DTNBP1: variants seen among roughly 807,000 people sequenced by gnomAD.
DTNBP1 encodes the protein dystrobrevin binding protein 1.
DTNBP1 carries 35 observed loss-of-function variants against 42.8 expected under a neutral mutation model. The observed-to-expected ratio is 0.82, with a 90% confidence interval of 0.63 to 1.09. The LOEUF (loss-of-function observed/expected upper bound fraction) is 1.09, where lower values mean the gene tolerates loss of function less well. DTNBP1 is among the 50% of genes least tolerant of loss of function. The probability of loss-of-function intolerance (pLI) is 0.00; values close to 1 mark genes in which losing one functional copy is unlikely to be tolerated. For synonymous variants in DTNBP1, 171 were observed against 162.2 expected, an observed-to-expected ratio of 1.05 and a Z score of -0.41; for missense variants, 457 against 424.2, an observed-to-expected ratio of 1.08 and a Z score of -0.68.
chr6:15,651,404 GC>G, intron 2 of DTNBP1, 41 bp from the exon 3 acceptor site: 1 of 1,588,870 alleles, frequency 6.3e-7, no homozygotes, highest in Non-Finnish European at 8.5e-7. Flanking sequence ...TCTTGATTTA[GC>G]CAACTGAAAA....
At chr6:15,617,229 A>G (rs1758766536) in intron 5 of DTNBP1, among the ~76,000 whole-genome samples, 1 of 152,162 alleles carries the variant, frequency 6.6e-6, no homozygotes, top group South Asian at 2.1e-4. Flanking sequence ...TGAAGAAGAC[A>G]CAAAAATGAA....
intron 7 of DTNBP1, among the ~76,000 whole-genome samples, chr6:15,567,578 C>T (rs928449570): frequency 3.9e-5 from 6 of 152,180 alleles, no homozygotes; most frequent in African/African-American, 1.4e-4. Context: ...ACCAGAAAAT[C>T]GTACAATTCA....
intron 7 of DTNBP1, among the ~76,000 whole-genome samples, chr6:15,562,756 C>A (rs139767881): frequency 6.4e-4 from 97 of 152,294 alleles, no homozygotes; most frequent in African/African-American, 2.2e-3. Flanking sequence ...TCTGACCATG[C>A]AGTATTAAAG....
chr6:15,645,260 C>T (rs1357844654), intron 3 of DTNBP1, among the ~76,000 whole-genome samples: 1 of 151,714 alleles, frequency 6.6e-6, no homozygotes, highest in African/African-American at 2.4e-5. Flanking sequence ...AGACCAATAA[C>T]AAGTTACGAA....
At chr6:15,581,253 C>G (rs568710207) in intron 7 of DTNBP1, among the ~76,000 whole-genome samples, 1 of 152,290 alleles carries the variant, frequency 6.6e-6, no homozygotes, top group African/African-American at 2.4e-5. Flanking sequence ...CATCTCGGCT[C>G]TCTGCAACCT....
At chr6:15,558,315 G>A (rs1363429057) in intron 7 of DTNBP1, among the ~76,000 whole-genome samples, 6 of 148,988 alleles carry the variant, frequency 4.0e-5, no homozygotes. Context: ...TCGCCAGGCT[G>A]GAGTGCAGTG....
chr6:15,546,926 CTTTTTTTT>C (rs10711026), intron 7 of DTNBP1, among the ~76,000 whole-genome samples: 7 of 116,140 alleles, frequency 6.0e-5, no homozygotes, highest in African/African-American at 9.6e-5. Context: ...TTCTTTCTTT[CTTTTTTTT>C]TTTTTTTTTG....
At chr6:15,579,154 T>C (rs762673086) in intron 7 of DTNBP1, among the ~76,000 whole-genome samples, 3 of 152,184 alleles carry the variant, frequency 2.0e-5, no homozygotes, top group African/African-American at 4.8e-5. Flanking sequence ...TAAATGTCTA[T>C]CGACAGATGA....
intron 7 of DTNBP1, among the ~76,000 whole-genome samples, chr6:15,586,636 T>C (rs1776091308): frequency 6.6e-6 from 1 of 152,156 alleles, no homozygotes; most frequent in Middle Eastern, 3.2e-3. Context: ...CCCTCATTCA[T>C]TTAAATATTT....
intron 7 of DTNBP1, among the ~76,000 whole-genome samples, chr6:15,575,828 A>C (rs1461618631): frequency 1.3e-5 from 2 of 152,202 alleles, no homozygotes; most frequent in Non-Finnish European, 2.9e-5. Context: ...GGGCAGTTTC[A>C]GAGGGAAACA....
chr6:15,627,800 AAAC>A (rs1213721762), intron 4 of DTNBP1, among the ~76,000 whole-genome samples: 1 of 151,820 alleles, frequency 6.6e-6, no homozygotes, highest in Non-Finnish European at 1.5e-5. Flanking sequence ...GAAAAAAAAA[AAAC>A]AAAAACAAAA....
chr6:15,615,105 AACAG>A (rs1188713967), intron 6 of DTNBP1, 158 bp downstream of exon 6: 1 of 1,006,068 alleles, frequency 9.9e-7, no homozygotes, highest in Admixed American at 1.9e-5. Context: ...AAAAGATGGC[AACAG>A]ACAGTGGTTT....
chr6:15,544,448 C>T (rs924704361), intron 7 of DTNBP1, among the ~76,000 whole-genome samples: 24 of 152,176 alleles, frequency 1.6e-4, no homozygotes, highest in Non-Finnish European at 3.1e-4. Flanking sequence ...CTGGGTCATA[C>T]GGTAAGTTCA....
intron 4 of DTNBP1, among the ~76,000 whole-genome samples, chr6:15,633,547 T>A (rs1343565963): frequency 2.0e-5 from 3 of 152,218 alleles, no homozygotes; most frequent in Non-Finnish European, 4.4e-5. Flanking sequence ...AGCTTGAAGA[T>A]GTGACTGAAT....
intron 7 of DTNBP1, among the ~76,000 whole-genome samples, chr6:15,574,918 T>C (rs2113542774): frequency 6.6e-6 from 1 of 152,324 alleles, no homozygotes; most frequent in South Asian, 2.1e-4. Context: ...CCACCAGTTA[T>C]TAGTACTAAT....
At chr6:15,659,673 C>T (rs1359855542) in intron 1 of DTNBP1, among the ~76,000 whole-genome samples, 1 of 151,774 alleles carries the variant, frequency 6.6e-6, no homozygotes, top group Non-Finnish European at 1.5e-5. Flanking sequence ...CTGCCTCAGC[C>T]TTCCAAGTAG....
Position 15,536,093 on chromosome 6 carries a change from A to G in DTNBP1, c.512-2698T>C, listed in dbSNP as rs577417609. On this transcript the variant is annotated intron_variant, in intron 7 of 9. Transcript: ENST00000344537. The stretch of plus-strand genomic sequence containing the variant: ...AAAGCTTTCAGTTTTATGTGTTCAC[A>G]AGGAGATAGTTTGAACTTGGAGCTT... Among the ~76,000 whole-genome samples, 11 of 152,362 alleles carry G rather than the reference A, an allele frequency of 7.2e-5. No individual in the cohort carries two copies. In the South Asian group the frequency reaches 2.3e-3, roughly 32 times the overall value.
intron 7 of DTNBP1, among the ~76,000 whole-genome samples, chr6:15,576,741 C>T (rs531415387): frequency 1.6e-4 from 23 of 148,224 alleles, no homozygotes; most frequent in African/African-American, 5.8e-4. Flanking sequence ...TGCACTCCAG[C>T]CTAAATGACA....
At chr6:15,657,883 T>A (rs1310308995) in intron 1 of DTNBP1, among the ~76,000 whole-genome samples, 7 of 152,258 alleles carry the variant, frequency 4.6e-5, no homozygotes, top group Non-Finnish European at 7.3e-5. Flanking sequence ...AATGTGCTTA[T>A]CCAAATCTAT....
Sources: allele counts gnomAD v4.1 joint callset (sites outside exome capture counted in the v4.1 genomes callset), GRCh38; gene constraint gnomAD v4.1.1; transcripts MANE v1.5; gene names NCBI Gene and HGNC (gene_info 2026-07-23, HGNC 2026-07-21).